Variants in ACBD6 observed in about 807,000 individuals in gnomAD.
The protein encoded by ACBD6 is acyl-CoA binding domain containing 6, also known as acyl-CoA-binding domain-containing protein 6.
A neutral mutation model predicts 37.2 loss-of-function variants in ACBD6; 28 were observed. That is an observed-to-expected ratio of 0.75 (90% CI 0.56 to 1.03). The LOEUF is 1.03. Among genes scored for constraint, ACBD6 ranks in the 50% least tolerant of loss-of-function variants. The pLI is 0.00. For missense variants in ACBD6, 340 were observed against 337.4 expected, an observed-to-expected ratio of 1.01 and a Z score of -0.06; for synonymous variants, 113 against 126.8, an observed-to-expected ratio of 0.89 and a Z score of 0.73.
At chr1:180,463,673 C>T (rs974272141) in intron 3 of ACBD6, among the ~76,000 whole-genome samples, 4 of 152,076 alleles carry the variant, frequency 2.6e-5, no homozygotes, top group African/African-American at 9.7e-5. Context: ...TTCAAAAAAA[C>T]TGAAAAGGAG....
intron 1 of ACBD6, among the ~76,000 whole-genome samples, chr1:180,497,409 T>A (rs1339441602): frequency 6.6e-6 from 1 of 152,202 alleles, no homozygotes; most frequent in South Asian, 2.1e-4. Flanking sequence ...AGGATATACA[T>A]GTGGTGATGG....
chr1:180,435,532 T>A (rs1213440954), intron 3 of ACBD6: 2 of 761,474 alleles, frequency 2.6e-6, no homozygotes, highest in African/African-American at 3.5e-5. Flanking sequence ...ATTACAGGCA[T>A]GAGCGACCAT....
intron 6 of ACBD6, among the ~76,000 whole-genome samples, chr1:180,371,383 T>G (rs907414015): frequency 6.6e-6 from 1 of 152,092 alleles, no homozygotes; most frequent in Non-Finnish European, 1.5e-5. Context: ...TAACTCCTAC[T>G]TGAGATAGGA....
intron 6 of ACBD6, among the ~76,000 whole-genome samples, chr1:180,387,761 T>C (rs75068928): frequency 0.01 from 1,592 of 152,268 alleles, 36 homozygotes; most frequent in African/African-American, 0.036. Flanking sequence ...TCTGTTCTTT[T>C]AGATTGCCCC....
chr1:180,459,350 T>C (rs973869704), intron 3 of ACBD6, among the ~76,000 whole-genome samples: 3 of 152,182 alleles, frequency 2.0e-5, no homozygotes, highest in Non-Finnish European at 4.4e-5. Flanking sequence ...TTGTTAAAGG[T>C]ATCCTTGCAT....
exon 14 of ACBD6, chr1:180,271,929 G>C: frequency 6.2e-7 from 1 of 1,613,504 alleles, no homozygotes; most frequent in South Asian, 1.1e-5. Flanking sequence ...GTCAAGAGGA[G>C]CCGGGGCAGC....
intron 6 of ACBD6, among the ~76,000 whole-genome samples, chr1:180,367,191 G>C (rs930021883): frequency 1.2e-4 from 19 of 152,146 alleles, no homozygotes; most frequent in Non-Finnish European, 2.2e-4. Context: ...ATTGGCATTT[G>C]TCTTTTTGTT....
intron 6 of ACBD6, among the ~76,000 whole-genome samples, chr1:180,368,509 G>A (rs1653135985): frequency 6.6e-6 from 1 of 151,910 alleles, no homozygotes. Flanking sequence ...AATAGTTTTG[G>A]GTTTTACATT....
At chr1:180,283,957 C>T (rs183669370), downstream of ACBD6, among the ~76,000 whole-genome samples, 2 of 152,184 alleles carry the variant, frequency 1.3e-5, no homozygotes, top group East Asian at 1.9e-4. Context: ...TCAAGCATTT[C>T]GGATAAGGAC....
At chr1:180,324,282 T>C (rs988789334) in intron 6 of ACBD6, among the ~76,000 whole-genome samples, 1 of 152,112 alleles carries the variant, frequency 6.6e-6, no homozygotes, top group Non-Finnish European at 1.5e-5. Context: ...TGTTTTCTGG[T>C]CTTCTCTTTC....
intron 6 of ACBD6, among the ~76,000 whole-genome samples, chr1:180,332,775 CCT>C (rs1236137273): frequency 6.6e-6 from 1 of 152,106 alleles, no homozygotes; most frequent in Non-Finnish European, 1.5e-5. Context: ...AAACCATCCC[CCT>C]GACCCCAGTC....
At chr1:180,315,631 G>A (rs1219301247) in intron 6 of ACBD6, among the ~76,000 whole-genome samples, 4 of 152,196 alleles carry the variant, frequency 2.6e-5, no homozygotes, top group Non-Finnish European at 5.9e-5. Flanking sequence ...GCTGAATGTA[G>A]GGGTGGAGGT....
intron 6 of ACBD6, among the ~76,000 whole-genome samples, chr1:180,383,667 T>C (rs1486823511): frequency 6.6e-6 from 1 of 151,756 alleles, no homozygotes; most frequent in Non-Finnish European, 1.5e-5. Flanking sequence ...ATAGAAAAAA[T>C]AATTGTAAAA....
In ACBD6 at chr1:180,386,907, G is replaced by A. The variant is rs1354925947; in HGVS notation, c.663+10609C>T. Among the ~76,000 whole-genome samples, 5 of 152,030 alleles carry A rather than the reference G, an allele frequency of 3.3e-5. No homozygotes were observed. The South Asian group carries it at 6.2e-4, about 19-fold the overall frequency. Reference sequence around the variant, plus strand: ...TAATTTCACCATCTCACTGTTTGGCGTATATTGACCTCCTTTTACCATTCG... The same window carrying A: ...TAATTTCACCATCTCACTGTTTGGCATATATTGACCTCCTTTTACCATTCG... On this transcript the variant is annotated intron_variant, in intron 6 of 7. Transcript: ENST00000367595.
At chr1:180,388,092 C>T (rs1243725253) in intron 6 of ACBD6, among the ~76,000 whole-genome samples, 11 of 150,738 alleles carry the variant, frequency 7.3e-5, no homozygotes, top group Non-Finnish European at 1.3e-4. Flanking sequence ...AGGAGAATGG[C>T]GTGAACCCAG....
At chr1:180,389,036 G>T (rs149835465) in intron 6 of ACBD6, among the ~76,000 whole-genome samples, 2 of 151,998 alleles carry the variant, frequency 1.3e-5, no homozygotes, top group African/African-American at 4.8e-5. Flanking sequence ...TAAGTTTTAG[G>T]GTACATGTGC....
intron 3 of ACBD6, among the ~76,000 whole-genome samples, chr1:180,483,367 C>T (rs1651130623): frequency 1.3e-5 from 2 of 152,130 alleles, no homozygotes; most frequent in Admixed American, 1.3e-4. Flanking sequence ...GCTTTCTCTC[C>T]ACAGTGCTAA....
intron 7 of ACBD6, among the ~76,000 whole-genome samples, chr1:180,300,326 G>A (rs566058507): frequency 4.0e-4 from 61 of 152,220 alleles, no homozygotes; most frequent in African/African-American, 1.4e-3. Flanking sequence ...ATAATATTAA[G>A]TGATTAAATG....
At chr1:180,488,106 T>C (rs1651347187) in intron 3 of ACBD6, among the ~76,000 whole-genome samples, 1 of 150,944 alleles carries the variant, frequency 6.6e-6, no homozygotes. Context: ...GTGTGTGTTG[T>C]GTGTGTGTGT....
Sources: gnomAD v4.1 joint callset for allele counts (sites outside exome capture counted in the v4.1 genomes callset) on GRCh38, gnomAD v4.1.1 for gene constraint, MANE v1.5 for transcripts, NCBI Gene and HGNC (gene_info 2026-07-23, HGNC 2026-07-21) for gene names.